The following PPM1J variants were observed in gnomAD, a reference collection of about 807,000 sequenced individuals.
PPM1J encodes the protein protein phosphatase 1J.
In PPM1J, 43 loss-of-function variants were observed where a neutral mutation model predicts 53.3. The observed-to-expected ratio is 0.81, with a 90% CI of 0.63 to 1.04. The LOEUF is 1.04. Ranked by LOEUF, PPM1J falls within the 50% of genes least tolerant of loss-of-function variation. The pLI is 0.00. For synonymous variants in PPM1J, 267 were observed against 286.4 expected (o/e 0.93, Z 0.68); for missense variants, 635 against 685.9 (o/e 0.93, Z 0.83).
rs1205377862 is a variant in PPM1J at position 112,710,082 on chromosome 1, GGTCA to G, written c.*77_*80del. On this transcript the variant is annotated 3_prime_UTR_variant, in exon 10 of 10. Transcript: ENST00000309276. ...TTCAGTTAAGTTGCCACTAAAGAAG[GGTCA>G]GGGAGACAACTTCAGAATTTGGGCT... is the stretch of plus-strand genomic sequence containing the variant. The G allele has an allele frequency of 2.7e-6, 4 of 1,487,258 alleles. No individual in the cohort carries two copies. Among genetic ancestry groups the G allele is most frequent in the Non-Finnish European group, 3.6e-6 (4 of 1,121,528 alleles). The allele number at this position is 1,487,258 out of a possible 1,614,324, so 92.1% of individuals were successfully genotyped here.
chr1:112,711,206 C>T (rs532816010), intron 6 of PPM1J, 60 bp downstream of exon 6: 44 of 1,477,518 alleles, frequency 3.0e-5, no homozygotes, highest in Non-Finnish European at 3.7e-5. Context: ...CACCTTGCTG[C>T]GGGCGAGGGA....
intron 3 of PPM1J, 127 bp downstream of exon 3, chr1:112,712,617 C>T (rs1675092368): frequency 4.2e-6 from 5 of 1,199,884 alleles, no homozygotes; most frequent in Admixed American, 2.0e-5. Context: ...TCTCCCTCCC[C>T]TCTGAACCAA....
At chr1:112,714,624 C>T (rs1298095152) in intron 1 of PPM1J, 1 of 1,116,354 alleles carries the variant, frequency 9.0e-7, no homozygotes, top group Non-Finnish European at 1.1e-6. Context: ...CTTCGTGAAA[C>T]CCCTTTTCCC....
chr1:112,711,386 T>G lies in PPM1J; in HGVS notation c.928-2A>C, dbSNP rs372124296. The G allele has an allele frequency of 1.9e-6, 3 of 1,585,626 alleles. No individual in the cohort carries two copies. The African/African-American group carries it at 4.0e-5, about 21-fold the overall frequency. The stretch of plus-strand genomic sequence containing the variant: ...TAGCAGCTCTGGTTTCAGGAAGCCC[T>G]GGAGTTGGGGATGATCAGAACAGAG... On this transcript the variant is annotated splice_acceptor_variant, in intron 5 of 9. Coordinates refer to ENST00000309276, the MANE Select transcript of PPM1J (RefSeq NM_005167.7). LOFTEE classifies it high-confidence loss of function.
intron 1 of PPM1J, 79 bp downstream of exon 1, chr1:112,714,897 C>G (rs955021594): frequency 1.1e-5 from 15 of 1,317,530 alleles, no homozygotes; most frequent in Non-Finnish European, 1.5e-5. Flanking sequence ...GTGGGGAACG[C>G]GTCCTAGCGC....
At chr1:112,711,536 A>C in intron 5 of PPM1J, 152 bp from the exon 6 acceptor site, 1 of 600,562 alleles carries the variant, frequency 1.7e-6, no homozygotes, top group Non-Finnish European at 3.0e-6. Context: ...TAACTCATTT[A>C]CTCCTCACAA....
At chr1:112,714,948 T>C in intron 1 of PPM1J, 28 bp downstream of exon 1, 1 of 1,353,388 alleles carries the variant, frequency 7.4e-7, no homozygotes, top group Middle Eastern at 2.2e-4. Flanking sequence ...AGCCCCATCC[T>C]GGTTTGGGTG....
chr1:112,711,576 CAG>C, intron 5 of PPM1J, 192 bp from the exon 6 acceptor site: 1 of 584,346 alleles, frequency 1.7e-6, no homozygotes, highest in African/African-American at 1.9e-5. Context: ...TATTGATGCA[CAG>C]AGAGGTTAAG....
Position 112,711,999 on chromosome 1 carries a change from TC to T in PPM1J, c.898del (p.Glu300ArgfsTer13). On this transcript the variant is annotated frameshift_variant, in exon 5 of 10. Coordinates refer to ENST00000309276, the MANE Select transcript of PPM1J (RefSeq NM_005167.7). LOFTEE classifies it high-confidence loss of function. ...IIPMSREFTP[E>X]TERQRLQLLG... ...CAGCTGAAGACGCTGGCGCTCAGTC[TC>T]CGGGGTAAACTCCCGGGACATTGGA... 6.2e-7 allele frequency: 1 copy of T among 1,609,516 alleles called. No homozygotes were observed. Among genetic ancestry groups the T allele is most frequent in the South Asian group, 1.1e-5 (1 of 90,624 alleles).
rs1675174838 is a variant in PPM1J at position 112,715,251 on chromosome 1, GC to G, written c.50del (p.Gly17AlafsTer59). The G allele has an allele frequency of 1.6e-6, 2 of 1,272,428 alleles. No homozygotes were observed. The highest frequency in any genetic ancestry group is 2.0e-6 in the Non-Finnish European group (2 of 1,007,820). The allele number at this position is 1,272,428 out of a possible 1,614,324, so 78.8% of individuals were successfully genotyped here. ...GGGATTTGGGGCGCGGAGGCGGAGC[GC>G]CCCCGGAGCTCACCAGGTGCGCCAC... ...SAVAHLVSSG[G>X]APPPRPKSPD... On this transcript the variant is annotated frameshift_variant, in exon 1 of 10. Transcript: ENST00000309276. LOFTEE classifies it high-confidence loss of function. The surrounding 1 kb of genome is among the most constrained non-coding windows in gnomAD (Gnocchi z 4.4).
chr1:112,711,044 A>C lies in PPM1J; in HGVS notation c.1074T>G (p.Asp358Glu), dbSNP rs1553190469. Residue 358 changes from aspartate to glutamate, a missense_variant, in exon 7 of 10, where the codon GAT becomes GAG. Physicochemically the swap from Asp to Glu is conservative, Grantham distance 45. Coordinates refer to ENST00000309276, the MANE Select transcript of PPM1J (RefSeq NM_005167.7). Reference sequence around the variant, plus strand: ...CCCCACAGACCAGAGGAAACCTGAGATCCTCCAGCTCGATCTTTTTGTAGG... The same window carrying C: ...CCCCACAGACCAGAGGAAACCTGAGCTCCTCCAGCTCGATCTTTTTGTAGG... ...GWAYKKIELE[D>E]LRFPLVCGEG... 1 of 1,614,022 alleles carries C rather than the reference A, an allele frequency of 6.2e-7. No homozygotes were observed. Among genetic ancestry groups the C allele is most frequent in the South Asian group, 1.1e-5 (1 of 91,082 alleles).
intron 1 of PPM1J, 59 bp from the exon 2 acceptor site, chr1:112,713,670 C>A (rs1031506799): frequency 2.3e-6 from 3 of 1,314,548 alleles, no homozygotes; most frequent in Non-Finnish European, 3.3e-6. Flanking sequence ...GGAATAACCC[C>A]CACCTTAGAC....
intron 1 of PPM1J, chr1:112,714,309 G>A (rs1675140668): frequency 2.0e-6 from 2 of 985,516 alleles, no homozygotes; most frequent in Non-Finnish European, 2.4e-6. Context: ...GTTCCCGGCA[G>A]ATGCATTTAA....
At position 112,711,390 on chromosome 1, in the gene PPM1J, GTTGGGGATGAT is replaced by G; in HGVS notation, c.928-17_928-7del. 1 of 1,575,338 alleles carries G rather than the reference GTTGGGGATGAT, an allele frequency of 6.3e-7. No individual in the cohort carries two copies. Among genetic ancestry groups the G allele is most frequent in the Non-Finnish European group, 8.7e-7 (1 of 1,152,618 alleles). Reference sequence around the variant, plus strand: ...AGCTCTGGTTTCAGGAAGCCCTGGAGTTGGGGATGATCAGAACAGAGAGCCAGGGGGCATTA... The same window carrying G: ...AGCTCTGGTTTCAGGAAGCCCTGGAGCAGAACAGAGAGCCAGGGGGCATTA... On this transcript the variant is annotated splice_polypyrimidine_tract_variant and splice_region_variant and intron_variant, in intron 5 of 9. Coordinates refer to ENST00000309276, the MANE Select transcript of PPM1J (RefSeq NM_005167.7).
chr1:112,710,318 G>A lies in PPM1J; in HGVS notation c.1371-8C>T, dbSNP rs200488895. The A allele has an allele frequency of 9.9e-5, 159 of 1,613,030 alleles. No homozygotes were observed. Among genetic ancestry groups the A allele is most frequent in the Middle Eastern group, 1.7e-4 (1 of 6,022 alleles). Reference sequence around the variant, plus strand: ...TGGGCCAGAGCTGTATACCTGCCAGGAGCACACATGCACATTCATGTACCA... The same window carrying A: ...TGGGCCAGAGCTGTATACCTGCCAGAAGCACACATGCACATTCATGTACCA... On this transcript the variant is annotated splice_region_variant and splice_polypyrimidine_tract_variant and intron_variant, in intron 9 of 9. Transcript: ENST00000309276.
intron 2 of PPM1J, 41 bp from the exon 3 acceptor site, chr1:112,713,072 G>GTA (rs1055599998): frequency 3.0e-6 from 4 of 1,336,420 alleles, no homozygotes; most frequent in Non-Finnish European, 4.1e-6. Flanking sequence ...GTTTGTGTGT[G>GTA]TGTGTGTGTG....
rs1457532810 is a variant in PPM1J, at chr1:112,710,468, G to A, written c.1362C>T (p.Asp454=). ...DRVLSAYEPN[D]HSRYTALAQA... is the part of the protein sequence containing the mutation. ...TGCCATGCAGCCCCTACCTGCTGTG[G>A]TCATTAGGCTCATAGGCCGACAGCA... is the stretch of plus-strand genomic sequence containing the variant. The change falls in exon 9 of 10, where the codon GAC becomes GAT. Residue 454 remains aspartate (D), a synonymous_variant. Transcript: ENST00000309276. The A allele has an allele frequency of 3.7e-6, 6 of 1,613,854 alleles. No homozygotes were observed. The highest frequency in any genetic ancestry group is 4.2e-6 in the Non-Finnish European group (5 of 1,180,018).
Position 112,714,963 on chromosome 1 carries a change from AG to A in PPM1J, c.326+12del, listed in dbSNP as rs1368593654. On this transcript the variant is annotated intron_variant, in intron 1 of 9. Transcript: ENST00000309276. Reference sequence around the variant, plus strand: ...AGCCCCATCCTGGTTTGGGTGCCCCAGGGGGCGCTCACTCGGCGTAGCCTGT... The same window carrying A: ...AGCCCCATCCTGGTTTGGGTGCCCCAGGGGCGCTCACTCGGCGTAGCCTGT... The A allele has an allele frequency of 3.6e-6, 5 of 1,385,002 alleles. No homozygotes were observed. The highest frequency in any genetic ancestry group is 6.0e-5 in the East Asian group (2 of 33,116). The allele number at this position is 1,385,002 out of a possible 1,614,324, so 85.8% of individuals were successfully genotyped here.
chr1:112,714,634 C>G (rs1675152395), intron 1 of PPM1J: 4 of 1,144,242 alleles, frequency 3.5e-6, no homozygotes, highest in Non-Finnish European at 4.3e-6. Context: ...CCCCTTTTCC[C>G]TTAGCCTTTA....
Sources: gnomAD v4.1 joint callset for allele counts on GRCh38, gnomAD v4.1.1 for gene constraint, Gnocchi (gnomAD v3.1) non-coding constraint, MANE v1.5 for transcripts, NCBI Gene and HGNC (gene_info 2026-07-23, HGNC 2026-07-21) for gene names.